LRAT: variants seen among roughly 807,000 people sequenced by gnomAD.
LRAT encodes the protein lecithin retinol acyltransferase.
A neutral mutation model predicts 14.2 loss-of-function variants in LRAT; 11 were observed. The ratio of observed to expected loss-of-function variants is 0.78; its 90% CI spans 0.49 to 1.29. LRAT has a LOEUF of 1.29. Among genes scored for constraint, LRAT ranks in the 50% most tolerant of loss-of-function variants. The pLI, the probability that LRAT is intolerant of heterozygous loss-of-function variation, is 0.00. For synonymous variants in LRAT, 144 were observed against 124.8 expected, an observed-to-expected ratio of 1.15 and a Z score of -1.03; for missense variants, 274 against 292.4, an observed-to-expected ratio of 0.94 and a Z score of 0.46.
At position 154,744,374 on chromosome 4, in the gene LRAT, G is replaced by A. The variant is rs761289612; in HGVS notation, c.48G>A (p.Leu16=). ...TGGTGTCTTTACTACTGGAGAAGCT[G>A]CTCCTCATCTCCAACTTCACGCTCT... ...LEVVSLLLEK[L]LLISNFTLFS... is the part of the protein sequence containing the mutation. Residue 16 remains leucine, a synonymous_variant, in exon 2 of 3, where the codon CTG becomes CTA. Coordinates refer to ENST00000336356, the MANE Select transcript of LRAT (RefSeq NM_004744.5). 1 of 1,614,182 alleles carries A rather than the reference G, an allele frequency of 6.2e-7. No homozygotes were observed. The highest frequency in any genetic ancestry group is 8.5e-7 in the Non-Finnish European group (1 of 1,180,050).
At chr4:154,743,549 C>T (rs1437721956), upstream of LRAT, among the ~76,000 whole-genome samples, 1 of 152,062 alleles carries the variant, frequency 6.6e-6, no homozygotes, top group African/African-American at 2.4e-5. Flanking sequence ...TGCAGGCATT[C>T]GAGGCGCTCG....
chr4:154,744,030 G>A lies in LRAT; in HGVS notation c.-194G>A. ...CCGCGCGCGGCCCTGCCCCCGGCAC[G>A]GCCCCCAGGTGCGCTCCTTCTCCGG... On this transcript the variant is annotated 5_prime_UTR_variant, in exon 1 of 3. Coordinates refer to ENST00000336356, the MANE Select transcript of LRAT (RefSeq NM_004744.5). 2.3e-6 allele frequency: 1 copy of A among 443,454 alleles called. No homozygotes were observed. Among genetic ancestry groups the A allele is most frequent in the Non-Finnish European group, 4.2e-6 (1 of 240,962 alleles). 27.5% of individuals were successfully genotyped at this position (443,454 alleles called of 1,614,324 possible).
upstream of LRAT, among the ~76,000 whole-genome samples, chr4:154,743,299 A>G (rs539330429): frequency 6.6e-5 from 10 of 151,592 alleles, no homozygotes; most frequent in East Asian, 1.9e-3. Context: ...CAGCCTGGCC[A>G]ACACCAGCCT....
In LRAT at chr4:154,750,969, G is replaced by A. The variant is rs1732978390; in HGVS notation, c.*1833G>A. 1 of 152,134 alleles carries A rather than the reference G, an allele frequency of 6.6e-6. No individual in the cohort carries two copies. The allele number at this position is 152,134 out of a possible 1,614,324, so 9.4% of individuals were successfully genotyped here. On this transcript the variant is annotated 3_prime_UTR_variant, in exon 3 of 3. Coordinates refer to ENST00000336356, the MANE Select transcript of LRAT (RefSeq NM_004744.5). ...ATGAAGACCCCTCATTAAAAGCCAA[G>A]GACGTTCTTAAGATTGGAACTGACA...
At chr4:154,741,272 T>G (rs1017079596), upstream of LRAT, among the ~76,000 whole-genome samples, 2 of 152,142 alleles carry the variant, frequency 1.3e-5, no homozygotes, top group African/African-American at 4.8e-5. Context: ...AAAAGCTGCC[T>G]AATCATCGCT....
At chr4:154,746,677 A>G (rs1732889698) in intron 2 of LRAT, among the ~76,000 whole-genome samples, 1 of 152,198 alleles carries the variant, frequency 6.6e-6, no homozygotes, top group South Asian at 2.1e-4. Context: ...CCTTTCATGG[A>G]ACACATATAG....
chr4:154,743,125 A>ACCC (rs59844353), upstream of LRAT, among the ~76,000 whole-genome samples: 148 of 17,808 alleles, frequency 8.3e-3, no homozygotes, highest in South Asian at 0.069. Flanking sequence ...GACCCCCCCA[A>ACCC]CCCCCCCCCC....
chr4:154,747,883 T>A (rs2111036888), intron 2 of LRAT, among the ~76,000 whole-genome samples: 1 of 152,262 alleles, frequency 6.6e-6, no homozygotes, highest in African/African-American at 2.4e-5. Context: ...GGTAATTGTG[T>A]AAAAGTATGG....
At chr4:154,748,337 T>A (rs979394308) in intron 2 of LRAT, 2 of 983,540 alleles carry the variant, frequency 2.0e-6, no homozygotes, top group Non-Finnish European at 2.4e-6. Context: ...CTAAGTAAAA[T>A]TATTTTTCTA....
rs889724267 is a variant in LRAT, at chr4:154,752,673, T to C, written c.*3537T>C. ...ACTTTAGCAAAATCCTTTTATTTGATTCATGCATAACTCCTGATGGAGTGT... is the reference window on the plus strand; with the variant it reads ...ACTTTAGCAAAATCCTTTTATTTGACTCATGCATAACTCCTGATGGAGTGT... On this transcript the variant is annotated 3_prime_UTR_variant, in exon 3 of 3. Transcript: ENST00000336356. 1 of 152,232 alleles carries C rather than the reference T, an allele frequency of 6.6e-6. No individual in the cohort carries two copies. Among genetic ancestry groups the C allele is most frequent in the African/African-American group, 2.4e-5 (1 of 41,460 alleles). The allele number at this position is 152,232 out of a possible 1,614,324, so 9.4% of individuals were successfully genotyped here.
chr4:154,751,733 C>CAAAAAAAAAAAAAAA lies in LRAT; in HGVS notation c.*2614_*2628dup, dbSNP rs760244398. On this transcript the variant is annotated 3_prime_UTR_variant, in exon 3 of 3. Coordinates refer to ENST00000336356, the MANE Select transcript of LRAT (RefSeq NM_004744.5). Reference sequence around the variant, plus strand: ...TGGGCAACAAAGTGAGACTCCATCTCAAAAAAAAAAAAAAAAAAAAAAAAA... The same window carrying CAAAAAAAAAAAAAAA: ...TGGGCAACAAAGTGAGACTCCATCTCAAAAAAAAAAAAAAAAAAAAAAAAAAAAAAAAAAAAAAAA... 1 of 23,850 alleles carries CAAAAAAAAAAAAAAA rather than the reference C, an allele frequency of 4.2e-5. No individual in the cohort carries two copies. The highest frequency in any genetic ancestry group is 1.3e-4 in the African/African-American group (1 of 7,750). 1.5% of individuals were successfully genotyped at this position (23,850 alleles called of 1,614,324 possible).
Position 154,752,612 on chromosome 4 carries a change from G to A in LRAT, c.*3476G>A, listed in dbSNP as rs1331324959. 6.6e-6 allele frequency: 1 copy of A among 152,194 alleles called. No homozygotes were observed. Among genetic ancestry groups the A allele is most frequent in the Non-Finnish European group, 1.5e-5 (1 of 68,034 alleles). 9.4% of individuals were successfully genotyped at this position (152,194 alleles called of 1,614,324 possible). A position where few individuals can be genotyped will look rare whatever the true frequency, so the allele number is the denominator to read the frequency against. On this transcript the variant is annotated 3_prime_UTR_variant, in exon 3 of 3. Transcript: ENST00000336356. ...AAAAAAAAAGGATCTGTATTCGTGA[G>A]AGTAGAGAGAAAGGTTGTTTAGGAA...
intron 1 of LRAT, 38 bp from the exon 2 acceptor site, chr4:154,744,288 G>A (rs1464082684): frequency 6.2e-7 from 1 of 1,604,930 alleles, no homozygotes; most frequent in African/African-American, 1.3e-5. Flanking sequence ...CTGCCGGAGT[G>A]GCACCGGCAC....
Position 154,744,133 on chromosome 4 carries a change from G to A in LRAT, c.-91G>A, listed in dbSNP as rs946817794. On this transcript the variant is annotated 5_prime_UTR_variant, in exon 1 of 3. Coordinates refer to ENST00000336356, the MANE Select transcript of LRAT (RefSeq NM_004744.5). ...CCGTCTCATTCCCCATTGTGGCTTG[G>A]CTGAGCCGGTCGCCAGGCCTCGCTG... is the stretch of plus-strand genomic sequence containing the variant. 3.2e-6 allele frequency: 2 copies of A among 623,340 alleles called. No individual in the cohort carries two copies. The highest frequency in any genetic ancestry group is 1.8e-5 in the African/African-American group (1 of 54,784). 38.6% of individuals were successfully genotyped at this position (623,340 alleles called of 1,614,324 possible).
chr4:154,743,918 C>T (rs549320256), upstream of LRAT: 2 of 154,414 alleles, frequency 1.3e-5, no homozygotes, highest in Non-Finnish European at 2.9e-5. Flanking sequence ...GGCGCCCAAT[C>T]AGTGAGCTTT....
rs1732951782 is a variant in LRAT at position 154,749,691 on chromosome 4, AC to A, written c.*557del. 6.5e-6 allele frequency: 1 copy of A among 152,766 alleles called. No individual in the cohort carries two copies. Among genetic ancestry groups the A allele is most frequent in the Non-Finnish European group, 1.5e-5 (1 of 68,470 alleles). 9.5% of individuals were successfully genotyped at this position (152,766 alleles called of 1,614,324 possible). A position where few individuals can be genotyped will look rare whatever the true frequency, so the allele number is the denominator to read the frequency against. Reference sequence around the variant, plus strand: ...GAATGTTTTATTGTCATTATGTGAAACCAATATTGGCAAATAGTACTTTAAT... The same window carrying A: ...GAATGTTTTATTGTCATTATGTGAAACAATATTGGCAAATAGTACTTTAAT... On this transcript the variant is annotated 3_prime_UTR_variant, in exon 3 of 3. Transcript: ENST00000336356.
chr4:154,750,153 AT>A lies in LRAT; in HGVS notation c.*1022del, dbSNP rs1732963763. 6.6e-6 allele frequency: 1 copy of A among 152,136 alleles called. No homozygotes were observed. The highest frequency in any genetic ancestry group is 2.4e-5 in the African/African-American group (1 of 41,446). The allele number at this position is 152,136 out of a possible 1,614,324, so 9.4% of individuals were successfully genotyped here. A position where few individuals can be genotyped will look rare whatever the true frequency, so the allele number is the denominator to read the frequency against. On this transcript the variant is annotated 3_prime_UTR_variant, in exon 3 of 3. Coordinates refer to ENST00000336356, the MANE Select transcript of LRAT (RefSeq NM_004744.5). ...AAAGCATTTACTAATGTACTCTGAA[AT>A]TTTTAAAAGCCTTCAGATTTGTTTT... is the stretch of plus-strand genomic sequence containing the variant.
chr4:154,746,728 C>A (rs1353791718), intron 2 of LRAT, among the ~76,000 whole-genome samples: 3 of 152,132 alleles, frequency 2.0e-5, no homozygotes, highest in Non-Finnish European at 4.4e-5. Context: ...GTAACTAGTG[C>A]TTTTGTAAGG....
intron 2 of LRAT, among the ~76,000 whole-genome samples, chr4:154,745,185 ATT>A (rs1441000656): frequency 3.2e-4 from 49 of 151,408 alleles, no homozygotes; most frequent in African/African-American, 8.7e-4. Flanking sequence ...CGCCCGGCTA[ATT>A]TATTTTTGTA....
Sources: gnomAD v4.1 joint callset for allele counts (sites outside exome capture counted in the v4.1 genomes callset) on GRCh38, gnomAD v4.1.1 for gene constraint, MANE v1.5 for transcripts, NCBI Gene and HGNC (gene_info 2026-07-23, HGNC 2026-07-21) for gene names.